Variants in DNM2 observed in about 807,000 individuals in gnomAD.
DNM2 encodes dynamin-2.
In DNM2, 15 loss-of-function variants were observed where a neutral mutation model predicts 99.0. The observed-to-expected ratio is 0.15, with a 90% confidence interval of 0.10 to 0.23. The LOEUF (loss-of-function observed/expected upper bound fraction) is 0.23, where lower values mean the gene tolerates loss of function less well. Ranked by LOEUF, DNM2 falls within the 10% of genes least tolerant of loss-of-function variation. DNM2 has a pLI of 1.00. For synonymous variants in DNM2, 525 were observed against 481.2 expected (o/e 1.09, Z -1.19); for missense variants, 742 against 1,189.4 (o/e 0.62, Z 5.53).
intron 1 of DNM2, among the ~76,000 whole-genome samples, chr19:10,745,985 G>A (rs574556111): frequency 6.6e-6 from 1 of 152,284 alleles, no homozygotes; most frequent in South Asian, 2.1e-4. Flanking sequence ...TTTTGAGACG[G>A]AGTCTCACTC....
chr19:10,770,250 T>C (rs2070930678), intron 2 of DNM2, among the ~76,000 whole-genome samples: 1 of 152,224 alleles, frequency 6.6e-6, no homozygotes, highest in South Asian at 2.1e-4. Flanking sequence ...GTTTATGGCA[T>C]GGCTGTGTTA....
Position 10,811,581 on chromosome 19 carries a change from G to A in DNM2, c.1558-683G>A, listed in dbSNP as rs2072545928. 4.9e-6 allele frequency: 2 copies of A among 406,742 alleles called. No individual in the cohort carries two copies. The highest frequency in any genetic ancestry group is 1.8e-5 in the South Asian group (1 of 56,724). The allele number at this position is 406,742 out of a possible 1,614,324, so 25.2% of individuals were successfully genotyped here. A position where few individuals can be genotyped will look rare whatever the true frequency, so the allele number is the denominator to read the frequency against. On this transcript the variant is annotated intron_variant, in intron 14 of 20. Transcript: ENST00000389253. This position sits in a 1 kb window ranked among gnomAD's most constrained non-coding sequence, Gnocchi z 5.4. Reference sequence around the variant, plus strand: ...GCAGCTCCCAGGGCCCTCGTCCTGAGTGGGGTGGGGGGCTCTGCCCACACA... The same window carrying A: ...GCAGCTCCCAGGGCCCTCGTCCTGAATGGGGTGGGGGGCTCTGCCCACACA...
intron 15 of DNM2, among the ~76,000 whole-genome samples, chr19:10,815,781 G>C (rs2072715868): frequency 6.6e-6 from 1 of 152,158 alleles, no homozygotes; most frequent in African/African-American, 2.4e-5. Context: ...CCTTGGGTTT[G>C]GGGGAATGCT....
chr19:10,761,137 T>A (rs2070616985), intron 2 of DNM2, among the ~76,000 whole-genome samples: 1 of 151,880 alleles, frequency 6.6e-6, no homozygotes, highest in Non-Finnish European at 1.5e-5. Context: ...TACAGGTGTG[T>A]GTCACCATGT....
At chr19:10,748,705 G>A (rs1246822205) in intron 1 of DNM2, among the ~76,000 whole-genome samples, 3 of 152,192 alleles carry the variant, frequency 2.0e-5, no homozygotes, top group Non-Finnish European at 4.4e-5. Context: ...CTCGCTGAGC[G>A]TCCTGGGCAA....
chr19:10,791,826 C>T (rs984793942), intron 7 of DNM2, among the ~76,000 whole-genome samples: 11 of 152,204 alleles, frequency 7.2e-5, no homozygotes, highest in African/African-American at 2.7e-4. Flanking sequence ...TGGCTCATGC[C>T]TGTAATCCCA....
chr19:10,761,343 G>A (rs967744069), intron 2 of DNM2, among the ~76,000 whole-genome samples: 18 of 152,100 alleles, frequency 1.2e-4, no homozygotes, highest in Non-Finnish European at 2.4e-4. Flanking sequence ...GTTGAATATA[G>A]TATGGCCTAT....
chr19:10,796,186 A>T lies in DNM2; in HGVS notation c.1196+747A>T. ...CAGGAGCTAATCAATACAGTTAGGC[A>T]GTGTACCAGTAAGGTATTGCTCCCT... On this transcript the variant is annotated intron_variant, in intron 9 of 20. Transcript: ENST00000389253. This position sits in a 1 kb window ranked among gnomAD's most constrained non-coding sequence, Gnocchi z 5.6. The T allele has an allele frequency of 6.2e-7, 1 of 1,614,150 alleles. No individual in the cohort carries two copies. Among genetic ancestry groups the T allele is most frequent in the Non-Finnish European group, 8.5e-7 (1 of 1,180,038 alleles).
chr19:10,766,472 C>T (rs983186104), intron 2 of DNM2, among the ~76,000 whole-genome samples: 4 of 152,132 alleles, frequency 2.6e-5, no homozygotes, highest in African/African-American at 7.2e-5. Flanking sequence ...TCTGGGGACA[C>T]CTCAAAGGGC....
At position 10,757,943 on chromosome 19, in the gene DNM2, C is replaced by CAA. The variant is rs762600168; in HGVS notation, c.162-1774_162-1773dup. ...GGGCAACAAGAGCGAAGCTCTGTCT[C>CAA]AAAAAAAAAAAAAAAAAAAAAAGAA... On this transcript the variant is annotated intron_variant, in intron 1 of 20. Coordinates refer to ENST00000389253, the MANE Select transcript of DNM2 (RefSeq NM_001005361.3). 6.0e-3 allele frequency among the ~76,000 whole-genome samples: 390 copies of CAA among 64,808 alleles called. 4 individuals carry two copies. Among genetic ancestry groups the CAA allele is most frequent in the Middle Eastern group, 0.025 (3 of 122 alleles). The allele number at this position is 64,808 out of a possible 152,430, so 42.5% of individuals were successfully genotyped here.
At chr19:10,799,450 T>C (rs1338033955) in intron 11 of DNM2, among the ~76,000 whole-genome samples, 2 of 150,192 alleles carry the variant, frequency 1.3e-5, no homozygotes, top group African/African-American at 2.4e-5. Flanking sequence ...CTAAGCAATC[T>C]TCCAGGGAAT....
intron 5 of DNM2, among the ~76,000 whole-genome samples, chr19:10,779,803 G>A (rs201536105): frequency 1.3e-5 from 2 of 151,842 alleles, no homozygotes; most frequent in South Asian, 2.1e-4. Context: ...ACAGGCACTC[G>A]CCACCACACA....
At chr19:10,760,827 A>ATCTTTTTTTTTTTTTTTTTT (rs1663854487) in intron 2 of DNM2, among the ~76,000 whole-genome samples, 1 of 41,260 alleles carries the variant, frequency 2.4e-5, no homozygotes, top group Non-Finnish European at 4.1e-5. Flanking sequence ...CACCCAGCTG[A>ATCTTTTTTTTTTTTTTTTTT]TTTTTTTTTT....
intron 1 of DNM2, among the ~76,000 whole-genome samples, chr19:10,727,614 C>T (rs945960613): frequency 6.6e-6 from 1 of 150,384 alleles, no homozygotes; most frequent in Non-Finnish European, 1.5e-5. Flanking sequence ...AAGTGATTCT[C>T]CTGCCTCGGC....
intron 1 of DNM2, among the ~76,000 whole-genome samples, chr19:10,742,686 C>T (rs150203542): frequency 8.5e-4 from 130 of 152,134 alleles, no homozygotes; most frequent in African/African-American, 2.6e-3. Context: ...GTGTGGTGAC[C>T]GGGATGGTGC....
intron 6 of DNM2, among the ~76,000 whole-genome samples, chr19:10,783,578 CA>C (rs1461695685): frequency 2.0e-5 from 3 of 152,012 alleles, no homozygotes; most frequent in Non-Finnish European, 1.5e-5. Flanking sequence ...TTATTATTAC[CA>C]AAATTTTAAT....
At chr19:10,766,392 A>G (rs1373477988) in intron 2 of DNM2, among the ~76,000 whole-genome samples, 1 of 152,014 alleles carries the variant, frequency 6.6e-6, no homozygotes, top group Non-Finnish European at 1.5e-5. Flanking sequence ...GGCCTCTGGC[A>G]AGGGGCTGCT....
Position 10,831,065 on chromosome 19 carries a change from C to T in DNM2, c.*18C>T. On this transcript the variant is annotated 3_prime_UTR_variant, in exon 21 of 21. Coordinates refer to ENST00000389253, the MANE Select transcript of DNM2 (RefSeq NM_001005361.3). The surrounding 1 kb of genome is among the most constrained non-coding windows in gnomAD (Gnocchi z 4.3). Reference sequence around the variant, plus strand: ...TCGACTAGGCCTCGAGGGGGGCGTGCTCTCGGGGGGGCCTCACGCACCCGC... The same window carrying T: ...TCGACTAGGCCTCGAGGGGGGCGTGTTCTCGGGGGGGCCTCACGCACCCGC... The T allele has an allele frequency of 1.3e-6, 2 of 1,589,756 alleles. No homozygotes were observed. The highest frequency in any genetic ancestry group is 1.3e-5 in the African/African-American group (1 of 74,596).
At chr19:10,755,172 A>G (rs150167997) in intron 1 of DNM2, 1 of 152,332 alleles carries the variant, frequency 6.6e-6, no homozygotes, top group Non-Finnish European at 1.5e-5. Context: ...AAGACCCCAA[A>G]TGTCCATCCA....
Sources: gnomAD v4.1 joint callset for allele counts (sites outside exome capture counted in the v4.1 genomes callset) on GRCh38, gnomAD v4.1.1 for gene constraint, Gnocchi (gnomAD v3.1) non-coding constraint, MANE v1.5 for transcripts, NCBI Gene and HGNC (gene_info 2026-07-23, HGNC 2026-07-21) for gene names.